HPSE2: variants seen among roughly 807,000 people sequenced by gnomAD.
HPSE2 encodes the protein heparanase 2 (inactive), also known as inactive heparanase-2.
A neutral mutation model predicts 60.5 loss-of-function variants in HPSE2; 38 were observed. That is an observed-to-expected ratio of 0.63 (90% CI 0.48 to 0.82). The LOEUF (loss-of-function observed/expected upper bound fraction) is 0.82. HPSE2 is among the 40% of genes least tolerant of loss of function. The pLI is 0.00. For missense variants in HPSE2, 713 were observed against 740.4 expected, an observed-to-expected ratio of 0.96 and a Z score of 0.43; for synonymous variants, 295 against 293.2, an observed-to-expected ratio of 1.01 and a Z score of -0.06.
At chr10:99,311,687 A>G in the HPSE2 span, among the ~76,000 whole-genome samples, 1 of 152,200 alleles carries the variant, frequency 6.6e-6, no homozygotes, top group Non-Finnish European at 1.5e-5. Context: ...CCTAATAATA[A>G]CCCTACAACG....
At chr10:99,102,594 T>A (rs1252420073) in intron 3 of HPSE2, among the ~76,000 whole-genome samples, 2 of 152,060 alleles carry the variant, frequency 1.3e-5, no homozygotes, top group Admixed American at 1.3e-4. Flanking sequence ...ACTATTCCAA[T>A]CAATAGAAAA....
chr10:98,470,250 C>T (rs1336568560), intron 11 of HPSE2, among the ~76,000 whole-genome samples: 1 of 152,130 alleles, frequency 6.6e-6, no homozygotes, highest in Admixed American at 6.5e-5. Context: ...ATCAGGTGTA[C>T]TGGTATAATC....
chr10:99,105,073 AAAAG>A (rs1462176158), intron 3 of HPSE2, among the ~76,000 whole-genome samples: 1 of 151,688 alleles, frequency 6.6e-6, no homozygotes, highest in Non-Finnish European at 1.5e-5. Flanking sequence ...AAAAAAAAAA[AAAAG>A]AAAAGCTAGG....
At chr10:98,854,830 G>A (rs1363499997) in intron 3 of HPSE2, among the ~76,000 whole-genome samples, 1 of 151,958 alleles carries the variant, frequency 6.6e-6, no homozygotes, top group Admixed American at 6.6e-5. Flanking sequence ...AAACCACTGA[G>A]GATTCTTATA....
intron 9 of HPSE2, among the ~76,000 whole-genome samples, chr10:98,539,758 C>T (rs1943401774): frequency 6.6e-6 from 1 of 152,012 alleles, no homozygotes; most frequent in African/African-American, 2.4e-5. Flanking sequence ...TTATCTTTCT[C>T]ACACCCCTCT....
chr10:98,707,714 T>A (rs888285715), intron 5 of HPSE2, among the ~76,000 whole-genome samples: 1 of 152,124 alleles, frequency 6.6e-6, no homozygotes, highest in African/African-American at 2.4e-5. Context: ...AAATCAGATA[T>A]AGGAAAAGAG....
chr10:99,201,973 TA>T (rs1373143516), intron 2 of HPSE2, among the ~76,000 whole-genome samples: 1 of 152,144 alleles, frequency 6.6e-6, no homozygotes, highest in East Asian at 1.9e-4. Flanking sequence ...CTCACTTCCA[TA>T]CTCTAACCAC....
intron 9 of HPSE2, among the ~76,000 whole-genome samples, chr10:98,570,433 G>A (rs1944462165): frequency 7.1e-6 from 1 of 141,024 alleles, no homozygotes; most frequent in Admixed American, 7.7e-5. Context: ...TCTGGACTAA[G>A]AGGAAGTGTT....
intron 3 of HPSE2, among the ~76,000 whole-genome samples, chr10:98,804,245 G>A (rs906882255): frequency 1.8e-4 from 28 of 151,722 alleles, no homozygotes; most frequent in East Asian, 1.6e-3. Context: ...GCAATACCCC[G>A]CAAGCACAGG....
chr10:98,684,618 T>C (rs894166217), intron 6 of HPSE2, among the ~76,000 whole-genome samples: 1 of 152,102 alleles, frequency 6.6e-6, no homozygotes, highest in Admixed American at 6.6e-5. Flanking sequence ...TTTGGGTATA[T>C]GAATGGTTAG....
At chr10:99,169,397 C>A (rs1278730425) in intron 2 of HPSE2, among the ~76,000 whole-genome samples, 1 of 150,110 alleles carries the variant, frequency 6.7e-6, no homozygotes, top group Non-Finnish European at 1.5e-5. Flanking sequence ...CCCAGCTACT[C>A]AGGAAGGTGA....
rs1427796689 is a variant in HPSE2, at chr10:99,129,816, A to T, written c.610+14422T>A. ...ATTACATGAAATTGAAACCAAAAAA[A>T]AAAAAAGATAAAAGAAACAAAAAGC... On this transcript the variant is annotated intron_variant, in intron 3 of 11. Transcript: ENST00000370552. Among the ~76,000 whole-genome samples the T allele has an allele frequency of 2.6e-5, 4 of 151,492 alleles. No individual in the cohort carries two copies. In the East Asian group the frequency reaches 7.8e-4, roughly 29 times the overall value.
At chr10:98,955,900 G>A (rs930463070) in intron 3 of HPSE2, among the ~76,000 whole-genome samples, 3 of 152,024 alleles carry the variant, frequency 2.0e-5, no homozygotes, top group Non-Finnish European at 4.4e-5. Flanking sequence ...AGTGGGAGCT[G>A]AACAACAAGA....
intron 3 of HPSE2, among the ~76,000 whole-genome samples, chr10:99,119,096 A>AAAGAAAGAGAAAGAGAGGGAGGGAGG (rs1844839492): frequency 1.7e-5 from 2 of 117,862 alleles, no homozygotes; most frequent in Non-Finnish European, 3.5e-5. Context: ...AAAGAGAGAG[A>AAAGAAAGAGAAAGAGAGGGAGGGAGG]GAGGGAGGGA....
chr10:99,089,048 TGTTTGA>T (rs1187304182), intron 3 of HPSE2, among the ~76,000 whole-genome samples: 1 of 152,214 alleles, frequency 6.6e-6, no homozygotes, highest in East Asian at 1.9e-4. Context: ...CTTGCTGATT[TGTTTGA>T]GTTCCTTGTA....
At chr10:98,611,833 C>G (rs978275753) in intron 9 of HPSE2, among the ~76,000 whole-genome samples, 1 of 152,228 alleles carries the variant, frequency 6.6e-6, no homozygotes, top group Non-Finnish European at 1.5e-5. Flanking sequence ...TTTATTACAG[C>G]TTGGTGTTTC....
At chr10:99,247,244 T>C in the HPSE2 span, among the ~76,000 whole-genome samples, 1 of 152,226 alleles carries the variant, frequency 6.6e-6, no homozygotes, top group Non-Finnish European at 1.5e-5. Context: ...CTTTAAAGAC[T>C]TCCATAAGAC....
chr10:99,144,509 C>A (rs545516926), intron 2 of HPSE2, 110 bp from the exon 3 acceptor site: 1 of 1,264,872 alleles, frequency 7.9e-7, no homozygotes, highest in Non-Finnish European at 1.1e-6. Flanking sequence ...AAGCTACCAG[C>A]ATTTTCATCA....
At chr10:99,025,051 ACTC>A (rs1957345865) in intron 3 of HPSE2, among the ~76,000 whole-genome samples, 1 of 152,204 alleles carries the variant, frequency 6.6e-6, no homozygotes, top group South Asian at 2.1e-4. Flanking sequence ...TAGTGTGTAA[ACTC>A]CTCTTATCCT....
Sources: gnomAD v4.1 joint callset for allele counts (sites outside exome capture counted in the v4.1 genomes callset) on GRCh38, gnomAD v4.1.1 for gene constraint, MANE v1.5 for transcripts, NCBI Gene and HGNC (gene_info 2026-07-23, HGNC 2026-07-21) for gene names.